Variants in TMEM202 observed in about 807,000 individuals in gnomAD.
TMEM202 encodes the protein transmembrane protein 202.
A neutral mutation model predicts 26.1 loss-of-function variants in TMEM202; 25 were observed. The ratio of observed to expected loss-of-function variants is 0.96; its 90% CI spans 0.70 to 1.34. The LOEUF is 1.34. Ranked by LOEUF, TMEM202 falls within the 40% of genes most tolerant of loss-of-function variation. The pLI is 0.00. For missense variants in TMEM202, 301 were observed against 327.7 expected, an observed-to-expected ratio of 0.92 and a Z score of 0.63; for synonymous variants, 122 against 119.0, an observed-to-expected ratio of 1.02 and a Z score of -0.16.
intron 2 of TMEM202, among the ~76,000 whole-genome samples, chr15:72,404,848 G>C (rs2063564015): frequency 6.6e-6 from 1 of 152,156 alleles, no homozygotes; most frequent in African/African-American, 2.4e-5. Flanking sequence ...GAGGATTGTG[G>C]ACTAAATACC....
At chr15:72,402,229 G>T (rs550347079) in intron 2 of TMEM202, among the ~76,000 whole-genome samples, 11 of 152,256 alleles carry the variant, frequency 7.2e-5, no homozygotes, top group African/African-American at 2.6e-4. Context: ...GCCTCCCAAA[G>T]TGCTCAGATT....
chr15:72,407,937 C>T lies in TMEM202; in HGVS notation c.*44C>T, dbSNP rs746869474. On this transcript the variant is annotated 3_prime_UTR_variant, in exon 5 of 5. Transcript: ENST00000341689. ...GCTTGTCTTAAAAGCAGGGGAGAAG[C>T]TGAGTTGGGAATGGTCACATAAATT... is the stretch of plus-strand genomic sequence containing the variant. 2 of 1,530,946 alleles carry T rather than the reference C, an allele frequency of 1.3e-6. No individual in the cohort carries two copies. The highest frequency in any genetic ancestry group is 1.8e-6 in the Non-Finnish European group (2 of 1,114,686). 94.8% of individuals were successfully genotyped at this position (1,530,946 alleles called of 1,614,324 possible).
chr15:72,400,188 A>C (rs2063540982), intron 2 of TMEM202, among the ~76,000 whole-genome samples: 1 of 152,262 alleles, frequency 6.6e-6, no homozygotes, highest in Non-Finnish European at 1.5e-5. Flanking sequence ...CAAAGACACA[A>C]ACTCAAATAA....
rs775816192 is a variant in TMEM202, at chr15:72,406,658, G to T, written c.394G>T (p.Gly132Cys). The change falls in exon 3 of 5, where the codon GGC (glycine) becomes TGC (cysteine). Residue 132 changes from glycine to cysteine, a missense_variant. Coordinates refer to ENST00000341689, the MANE Select transcript of TMEM202 (RefSeq NM_001080462.3). Reference protein sequence around the residue: ...FLISVFTILTGLGWLFSSWIL... With the variant: ...FLISVFTILTCLGWLFSSWIL... ...CATCTCTGTCTTTACCATACTTACT[G>T]GCCTTGGCTGGCTCTTCAGCTCTTG... 1.2e-6 allele frequency: 2 copies of T among 1,613,818 alleles called. No homozygotes were observed. Among genetic ancestry groups the T allele is most frequent in the Non-Finnish European group, 1.7e-6 (2 of 1,179,826 alleles).
Position 72,407,029 on chromosome 15 carries a change from C to G in TMEM202, c.488-57C>G. ...CTGGAGGCCAAAGAGCTGGGGGTGG[C>G]GGGGAAGACAGACTGAAGATGCTGA... On this transcript the variant is annotated intron_variant, in intron 3 of 4. Transcript: ENST00000341689. The G allele has an allele frequency of 1.9e-6, 3 of 1,595,692 alleles. No homozygotes were observed. The East Asian group carries it at 6.7e-5, about 36-fold the overall frequency.
rs772162360 is a variant in TMEM202 at position 72,398,940 on chromosome 15, C to T, written c.337+32C>T. ...GCCACCGAATTAAATGCCACAGGCC[C>T]CACACAATTGCAGAGCTTTCTGCTC... On this transcript the variant is annotated intron_variant, in intron 2 of 4. Coordinates refer to ENST00000341689, the MANE Select transcript of TMEM202 (RefSeq NM_001080462.3). The T allele has an allele frequency of 2.5e-6, 4 of 1,588,756 alleles. No individual in the cohort carries two copies. In the East Asian group the frequency reaches 9.0e-5, roughly 36 times the overall value.
intron 4 of TMEM202, 107 bp from the exon 5 acceptor site, chr15:72,407,584 A>G: frequency 2.1e-6 from 2 of 947,012 alleles, no homozygotes; most frequent in Non-Finnish European, 3.3e-6. Context: ...AGAGGGGTTC[A>G]CTGAAAAGAT....
intron 2 of TMEM202, among the ~76,000 whole-genome samples, chr15:72,402,710 A>G (rs551084218): frequency 3.9e-4 from 60 of 152,270 alleles, no homozygotes; most frequent in African/African-American, 1.1e-3. Flanking sequence ...GTGGGAAAGA[A>G]AGGGTAAGTC....
At chr15:72,400,928 G>T (rs1290145796) in intron 2 of TMEM202, among the ~76,000 whole-genome samples, 1 of 152,132 alleles carries the variant, frequency 6.6e-6, no homozygotes, top group Non-Finnish European at 1.5e-5. Flanking sequence ...GGAACTAAGG[G>T]TTTCTCCCCT....
intron 2 of TMEM202, among the ~76,000 whole-genome samples, chr15:72,405,915 AT>A (rs1391875813): frequency 6.6e-6 from 1 of 152,202 alleles, no homozygotes; most frequent in Non-Finnish European, 1.5e-5. Flanking sequence ...TCTCAAAAAA[AT>A]AATAATAAAA....
intron 2 of TMEM202, 26 bp downstream of exon 2, chr15:72,398,934 C>A: frequency 6.3e-7 from 1 of 1,593,572 alleles, no homozygotes; most frequent in Non-Finnish European, 8.6e-7. Flanking sequence ...TTAAATGCCA[C>A]AGGCCCCACA....
At chr15:72,406,965 A>T in intron 3 of TMEM202, 121 bp from the exon 4 acceptor site, 1 of 1,390,022 alleles carries the variant, frequency 7.2e-7, no homozygotes, top group Non-Finnish European at 9.7e-7. Flanking sequence ...GTCAGTCCCC[A>T]GGTTTTTATC....
Position 72,407,115 on chromosome 15 carries a change from T to C in TMEM202, c.517T>C (p.Phe173Leu). ...ATCLLLCLNLFVAQVHWHTRD... is the reference protein window; with the variant it reads ...ATCLLLCLNLLVAQVHWHTRD... ...CTGCTTGCTCCTCTGCCTCAACCTG[T>C]TTGTGGCACAGGTTCACTGGCATAC... The change falls in exon 4 of 5, where the codon TTT (phenylalanine) becomes CTT (leucine). Residue 173 changes from phenylalanine (F) to leucine (L), a missense_variant. By Grantham distance (22) the Phe-to-Leu change is conservative. Transcript: ENST00000341689. 6.2e-7 allele frequency: 1 copy of C among 1,612,830 alleles called. No homozygotes were observed. The highest frequency in any genetic ancestry group is 8.5e-7 in the Non-Finnish European group (1 of 1,179,766).
chr15:72,406,968 T>C, intron 3 of TMEM202, 118 bp from the exon 4 acceptor site: 1 of 1,416,448 alleles, frequency 7.1e-7, no homozygotes, highest in South Asian at 1.4e-5. Context: ...AGTCCCCAGG[T>C]TTTTATCTTT....
rs538715526 is a variant in TMEM202, at chr15:72,405,519, C to T, written c.338-1083C>T. Among the ~76,000 whole-genome samples the T allele has an allele frequency of 9.3e-4, 141 of 152,128 alleles. 1 individual carries two copies. The highest frequency in any genetic ancestry group is 1.6e-3 in the Non-Finnish European group (112 of 68,010). ...CAGTGGCAGAGCCAAAGAGAAGACACCTAGAGCCAAAGATGGAAGAAGGAG... is the reference window on the plus strand; with the variant it reads ...CAGTGGCAGAGCCAAAGAGAAGACATCTAGAGCCAAAGATGGAAGAAGGAG... On this transcript the variant is annotated intron_variant, in intron 2 of 4. Coordinates refer to ENST00000341689, the MANE Select transcript of TMEM202 (RefSeq NM_001080462.3).
chr15:72,399,156 C>T (rs962994383), intron 2 of TMEM202, among the ~76,000 whole-genome samples: 18 of 152,126 alleles, frequency 1.2e-4, no homozygotes, highest in Non-Finnish European at 2.4e-4. Flanking sequence ...GTTGGTTTTT[C>T]GAGACAGGCT....
At chr15:72,402,749 G>A (rs1328747673) in intron 2 of TMEM202, among the ~76,000 whole-genome samples, 2 of 152,130 alleles carry the variant, frequency 1.3e-5, no homozygotes, top group Admixed American at 6.5e-5. Context: ...GCACCCTAGA[G>A]TTAGGACCCT....
chr15:72,407,929 G>C lies in TMEM202; in HGVS notation c.*36G>C, dbSNP rs952590595. On this transcript the variant is annotated 3_prime_UTR_variant, in exon 5 of 5. Transcript: ENST00000341689. ...TAACTATAGCTTGTCTTAAAAGCAG[G>C]GGAGAAGCTGAGTTGGGAATGGTCA... is the stretch of plus-strand genomic sequence containing the variant. The C allele has an allele frequency of 5.1e-6, 8 of 1,566,884 alleles. No homozygotes were observed. Among genetic ancestry groups the C allele is most frequent in the Non-Finnish European group, 6.1e-6 (7 of 1,144,488 alleles).
Position 72,398,369 on chromosome 15 carries a change from G to C in TMEM202, c.43G>C (p.Glu15Gln). The C allele has an allele frequency of 6.2e-7, 1 of 1,613,344 alleles. No homozygotes were observed. Among genetic ancestry groups the C allele is most frequent in the Non-Finnish European group, 8.5e-7 (1 of 1,179,832 alleles). Residue 15 changes from glutamate to glutamine, a missense_variant, in exon 1 of 5, where the codon GAG becomes CAG. By Grantham distance (29) the Glu-to-Gln change is conservative (BLOSUM62 2). Coordinates refer to ENST00000341689, the MANE Select transcript of TMEM202 (RefSeq NM_001080462.3). ...TTTAACCTTGACTTTCCACAGTCCT[G>C]AGGTTCCCAAAATAAAGGGGAACCG... ...EHLTLTFHSP[E>Q]VPKIKGNRKY...
Sources: gnomAD v4.1 joint callset for allele counts (sites outside exome capture counted in the v4.1 genomes callset) on GRCh38, gnomAD v4.1.1 for gene constraint, MANE v1.5 for transcripts, NCBI Gene and HGNC (gene_info 2026-07-23, HGNC 2026-07-21) for gene names.